SMCHD1: variants seen among roughly 807,000 people sequenced by gnomAD.
SMCHD1 encodes structural maintenance of chromosomes flexible hinge domain-containing protein 1.
Under a neutral mutation model 254.7 loss-of-function variants are expected in SMCHD1, and 78 were observed. That is an observed-to-expected ratio of 0.31 (90% CI 0.26 to 0.37). The LOEUF (loss-of-function observed/expected upper bound fraction) is 0.37. SMCHD1 is among the 10% of genes least tolerant of loss of function. The pLI, the probability that SMCHD1 is intolerant of heterozygous loss-of-function variation, is 1.00. For missense variants in SMCHD1, 1,840 were observed against 2,408.1 expected, an observed-to-expected ratio of 0.76 and a Z score of 4.94; for synonymous variants, 766 against 794.9, an observed-to-expected ratio of 0.96 and a Z score of 0.61.
At position 2,803,455 on chromosome 18, in the gene SMCHD1, A is replaced by G. The variant is rs2076399074; in HGVS notation, c.*903A>G. ...TATATTAACCTAATGTATGTCATAT[A>G]TATGTCTTTGTGTAAGTTCAAGACT... is the stretch of plus-strand genomic sequence containing the variant. On this transcript the variant is annotated 3_prime_UTR_variant, in exon 48 of 48. Coordinates refer to ENST00000320876, the MANE Select transcript of SMCHD1 (RefSeq NM_015295.3). 1 of 152,016 alleles carries G rather than the reference A, an allele frequency of 6.6e-6. No individual in the cohort carries two copies. The highest frequency in any genetic ancestry group is 2.1e-4 in the South Asian group (1 of 4,834). 9.4% of individuals were successfully genotyped at this position (152,016 alleles called of 1,614,324 possible). A position where few individuals can be genotyped will look rare whatever the true frequency, so the allele number is the denominator to read the frequency against.
intron 17 of SMCHD1, among the ~76,000 whole-genome samples, chr18:2,717,078 A>G (rs1418131440): frequency 1.3e-5 from 2 of 152,142 alleles, no homozygotes; most frequent in Non-Finnish European, 2.9e-5. Flanking sequence ...AGTGCCACCT[A>G]TGCTGGCTGG....
rs571347419 is a variant in SMCHD1 at position 2,712,883 on chromosome 18, C to T, written c.2260+4963C>T. 4.6e-5 allele frequency among the ~76,000 whole-genome samples: 7 copies of T among 152,320 alleles called. No homozygotes were observed. In the South Asian group the frequency reaches 8.3e-4, roughly 18 times the overall value. On this transcript the variant is annotated intron_variant, in intron 17 of 47. Transcript: ENST00000320876. ...CTAGTCATAGCTCTGCAATACTCCA[C>T]GCATGATCTGGCCCTTCCTCTCTCT...
chr18:2,736,233 C>G (rs1476186654), intron 25 of SMCHD1, among the ~76,000 whole-genome samples: 1 of 152,130 alleles, frequency 6.6e-6, no homozygotes, highest in Non-Finnish European at 1.5e-5. Context: ...GGATCCCTAC[C>G]TTTTACCATA....
chr18:2,802,649 G>T lies in SMCHD1; in HGVS notation c.*97G>T. 1 of 1,150,548 alleles carries T rather than the reference G, an allele frequency of 8.7e-7. No individual in the cohort carries two copies. The allele number at this position is 1,150,548 out of a possible 1,614,324, so 71.3% of individuals were successfully genotyped here. A position where few individuals can be genotyped will look rare whatever the true frequency, so the allele number is the denominator to read the frequency against. ...CCAAGAGGGTGACTTACCAGACTGAGTATTTCTGGGGACAATACAAGTACC... is the reference window on the plus strand; with the variant it reads ...CCAAGAGGGTGACTTACCAGACTGATTATTTCTGGGGACAATACAAGTACC... On this transcript the variant is annotated 3_prime_UTR_variant, in exon 48 of 48. Coordinates refer to ENST00000320876, the MANE Select transcript of SMCHD1 (RefSeq NM_015295.3).
At chr18:2,766,415 C>T (rs2075869821) in intron 37 of SMCHD1, among the ~76,000 whole-genome samples, 1 of 152,240 alleles carries the variant, frequency 6.6e-6, no homozygotes, top group Admixed American at 6.5e-5. Flanking sequence ...AATCTCTTCA[C>T]ATCATGCATG....
rs2074849081 is a variant in SMCHD1, at chr18:2,718,446, A to G, written c.2458+12A>G. ...GTTTTCTGTTAAAGGTAAGCAAAAC[A>G]GTAATATATAATTATATATGCTAAA... On this transcript the variant is annotated intron_variant, in intron 19 of 47. Coordinates refer to ENST00000320876, the MANE Select transcript of SMCHD1 (RefSeq NM_015295.3). The surrounding 1 kb of genome is among the most constrained non-coding windows in gnomAD (Gnocchi z 4.6). The G allele has an allele frequency of 6.3e-7, 1 of 1,585,602 alleles. No individual in the cohort carries two copies. The highest frequency in any genetic ancestry group is 1.4e-5 in the African/African-American group (1 of 73,440).
intron 45 of SMCHD1, among the ~76,000 whole-genome samples, chr18:2,789,572 G>A (rs570925): frequency 0.99 from 150,225 of 152,282 alleles, 74,130 homozygotes; most frequent in East Asian, 1. Flanking sequence ...GGATGTTTCA[G>A]CTTACATTTT....
chr18:2,691,189 T>C (rs1296293070), intron 7 of SMCHD1, among the ~76,000 whole-genome samples: 2 of 152,212 alleles, frequency 1.3e-5, no homozygotes, highest in Non-Finnish European at 2.9e-5. Context: ...ATGGTGGAAA[T>C]ATTACTTGCC....
chr18:2,663,039 A>G (rs1375472556), intron 1 of SMCHD1, among the ~76,000 whole-genome samples: 7 of 152,204 alleles, frequency 4.6e-5, no homozygotes. Context: ...AGTTATATTA[A>G]TTTCACTGAT....
intron 5 of SMCHD1, among the ~76,000 whole-genome samples, chr18:2,679,270 G>A (rs1484124692): frequency 0.043 from 3 of 70 alleles, no homozygotes; most frequent in Admixed American, 0.25. Context: ...ACAAGATCAG[G>A]AGATCAAGAC....
chr18:2,776,699 T>A (rs2076071855), intron 42 of SMCHD1, among the ~76,000 whole-genome samples: 2 of 152,182 alleles, frequency 1.3e-5, no homozygotes, highest in South Asian at 4.1e-4. Flanking sequence ...TGAAGGAGAA[T>A]GGTGTCTCAT....
chr18:2,684,895 A>T (rs1344656998), intron 5 of SMCHD1, among the ~76,000 whole-genome samples: 1 of 152,016 alleles, frequency 6.6e-6, no homozygotes, highest in Admixed American at 6.6e-5. Flanking sequence ...CGTTTATGCT[A>T]TCTTGGTCTT....
intron 19 of SMCHD1, among the ~76,000 whole-genome samples, chr18:2,720,382 A>T (rs1030165139): frequency 1.3e-5 from 2 of 152,170 alleles, no homozygotes; most frequent in Non-Finnish European, 2.9e-5. Context: ...CAGTATCTTT[A>T]TTCTCTGAGG....
In SMCHD1 at chr18:2,656,156, G is replaced by T; in HGVS notation, c.81G>T (p.Thr27=). The T allele has an allele frequency of 6.6e-7, 1 of 1,514,814 alleles. No individual in the cohort carries two copies. The highest frequency in any genetic ancestry group is 8.8e-7 in the Non-Finnish European group (1 of 1,134,812). 93.8% of individuals were successfully genotyped at this position (1,514,814 alleles called of 1,614,324 possible). Residue 27 remains threonine (T), a synonymous_variant, in exon 1 of 48, where the codon ACG becomes ACT. Coordinates refer to ENST00000320876, the MANE Select transcript of SMCHD1 (RefSeq NM_015295.3). ...EEDGGGVGHR[T]VYLFDRREKE... is the part of the protein sequence containing the mutation. ...ATGGCGGAGGCGTCGGCCACAGGAC[G>T]GTGTACTTGTTTGATCGGCGCGAAA... is the stretch of plus-strand genomic sequence containing the variant.
At position 2,728,571 on chromosome 18, in the gene SMCHD1, A is replaced by C; in HGVS notation, c.2888A>C (p.Gln963Pro). The C allele has an allele frequency of 6.2e-7, 1 of 1,612,776 alleles. No homozygotes were observed. Among genetic ancestry groups the C allele is most frequent in the Non-Finnish European group, 8.5e-7 (1 of 1,179,346 alleles). ...VLDESDNITA[Q>P]PKLIVHCKFS... is the part of the protein sequence containing the mutation. ...GATGAATCAGACAACATAACAGCAC[A>C]ACCAAAATTGATTGTTCATTGTAAG... The change falls in exon 23 of 48, where the codon CAA becomes CCA. Residue 963 changes from glutamine (Q) to proline (P), a missense_variant. Around this residue, in one of 9 missense-constraint regions of SMCHD1, gnomAD observed 881 missense variants for 1,009.5 expected, o/e 0.87. Transcript: ENST00000320876.
chr18:2,698,501 T>C (rs1332654484), intron 10 of SMCHD1, among the ~76,000 whole-genome samples: 1 of 152,150 alleles, frequency 6.6e-6, no homozygotes, highest in Non-Finnish European at 1.5e-5. Context: ...GTGTTTTTCT[T>C]TTTTGTATGT....
chr18:2,750,580 T>C lies in SMCHD1; in HGVS notation c.4165+73T>C, dbSNP rs545861820. 4 of 1,294,444 alleles carry C rather than the reference T, an allele frequency of 3.1e-6. No homozygotes were observed. In the African/African-American group the frequency reaches 5.9e-5, roughly 19 times the overall value. The allele number at this position is 1,294,444 out of a possible 1,614,324, so 80.2% of individuals were successfully genotyped here. ...GTACATTAGTGGAATAAATTACTTATCCTAGGTTAAGTGTGCTCAGTCTAA... is the reference window on the plus strand; with the variant it reads ...GTACATTAGTGGAATAAATTACTTACCCTAGGTTAAGTGTGCTCAGTCTAA... On this transcript the variant is annotated intron_variant, in intron 32 of 47. Coordinates refer to ENST00000320876, the MANE Select transcript of SMCHD1 (RefSeq NM_015295.3).
chr18:2,656,662 C>T (rs561225113), intron 1 of SMCHD1, among the ~76,000 whole-genome samples: 35 of 152,216 alleles, frequency 2.3e-4, no homozygotes, highest in Non-Finnish European at 4.6e-4. Context: ...AGTTAACGCC[C>T]AGGGGCTCTG....
At chr18:2,781,946 A>C (rs1017686076) in intron 44 of SMCHD1, among the ~76,000 whole-genome samples, 3 of 152,236 alleles carry the variant, frequency 2.0e-5, no homozygotes, top group African/African-American at 7.2e-5. Context: ...CAATATTTGA[A>C]GAACTGATGG....
Sources: allele counts gnomAD v4.1 joint callset (sites outside exome capture counted in the v4.1 genomes callset), GRCh38; gene constraint gnomAD v4.1.1; regional missense constraint gnomAD v4.1.1; non-coding constraint Gnocchi (gnomAD v3.1); transcripts MANE v1.5; gene names NCBI Gene and HGNC (gene_info 2026-07-23, HGNC 2026-07-21).